The following GLIS3 variants were observed in gnomAD, a reference collection of about 807,000 sequenced individuals.
GLIS3 encodes zinc finger protein GLIS3.
A neutral mutation model predicts 78.6 loss-of-function variants in GLIS3; 53 were observed. That is an observed-to-expected ratio of 0.67 (90% CI 0.54 to 0.85). The LOEUF (loss-of-function observed/expected upper bound fraction) is 0.85. Among genes scored for constraint, GLIS3 ranks in the 40% least tolerant of loss-of-function variants. The pLI is 0.00. For missense variants in GLIS3, 1,703 were observed against 1,231.1 expected (o/e 1.38, Z -5.74); for synonymous variants, 684 against 509.9 (o/e 1.34, Z -4.60).
At chr9:3,860,001 C>A (rs118047658) in intron 8 of GLIS3, among the ~76,000 whole-genome samples, 3,494 of 151,452 alleles carry the variant, frequency 0.023, 102 homozygotes, top group South Asian at 0.032. Context: ...GGGGGCCAAG[C>A]GTGGTGGCTC....
intron 4 of GLIS3, among the ~76,000 whole-genome samples, chr9:3,941,247 C>T (rs892518068): frequency 6.6e-6 from 1 of 152,164 alleles, no homozygotes; most frequent in Admixed American, 6.5e-5. Context: ...GGACTAGCAA[C>T]CATCCTAGGA....
At position 4,118,837 on chromosome 9, in the gene GLIS3, A is replaced by G; in HGVS notation, c.641T>C (p.Leu214Pro). Residue 214 changes from leucine (L) to proline (P), a missense_variant, in exon 4 of 11, where the codon CTG (leucine) becomes CCG (proline). Physicochemically the swap from Leu to Pro is moderately conservative, Grantham distance 98 (BLOSUM62 -3). Coordinates refer to ENST00000381971, the MANE Select transcript of GLIS3 (RefSeq NM_001042413.2). This position sits in a 1 kb window ranked among gnomAD's most constrained non-coding sequence, Gnocchi z 4.7. ...RESLASTTLS[L>P]TESQSASSMK... ...GCTTGAGGCCGACTGACTTTCCGTC[A>G]GACTCAAGGTCGTGGACGCCAAAGA... is the stretch of plus-strand genomic sequence containing the variant. 1 of 1,605,654 alleles carries G rather than the reference A, an allele frequency of 6.2e-7. No individual in the cohort carries two copies. The highest frequency in any genetic ancestry group is 8.5e-7 in the Non-Finnish European group (1 of 1,179,980).
intron 2 of GLIS3, among the ~76,000 whole-genome samples, chr9:4,190,348 G>A (rs143149311): frequency 0.27 from 40,909 of 151,726 alleles, 6,632 homozygotes; most frequent in South Asian, 0.48. Context: ...GGAGCTGATG[G>A]AGCTGAAAGT....
chr9:4,362,807 G>C, the GLIS3 span, among the ~76,000 whole-genome samples: 45 of 152,124 alleles, frequency 3.0e-4, no homozygotes, highest in Non-Finnish European at 1.8e-4. Context: ...TAGAGAGCTT[G>C]CCAGAGAACC....
At chr9:4,485,719 CT>C in the GLIS3 span, among the ~76,000 whole-genome samples, 123 of 143,174 alleles carry the variant, frequency 8.6e-4, no homozygotes, top group East Asian at 1.2e-3. Context: ...CCTGCCTCTG[CT>C]TTTTTTTTTT....
At chr9:4,379,410 A>G in the GLIS3 span, among the ~76,000 whole-genome samples, 2 of 152,372 alleles carry the variant, frequency 1.3e-5, no homozygotes, top group Non-Finnish European at 2.9e-5. Flanking sequence ...AGATAACAAC[A>G]TATTGCAAAG....
Position 4,074,629 on chromosome 9 carries a change from C to G in GLIS3, c.1710+43139G>C, listed in dbSNP as rs143785385. On this transcript the variant is annotated intron_variant, in intron 4 of 10. Transcript: ENST00000381971. ...TACTGTATCATAGGAGATGTGCTTTCCCTATTCCATTGATTTGGAAACTCC... is the reference window on the plus strand; with the variant it reads ...TACTGTATCATAGGAGATGTGCTTTGCCTATTCCATTGATTTGGAAACTCC... 1.6e-4 allele frequency among the ~76,000 whole-genome samples: 25 copies of G among 152,258 alleles called. No homozygotes were observed. The East Asian group carries it at 4.4e-3, about 27-fold the overall frequency.
intron 4 of GLIS3, among the ~76,000 whole-genome samples, chr9:3,967,221 C>A (rs978342666): frequency 2.1e-4 from 32 of 151,958 alleles, no homozygotes; most frequent in African/African-American, 7.2e-4. Context: ...ATTCTCTATC[C>A]TGCTGGGCGT....
chr9:3,907,483 C>T (rs1442912143), intron 6 of GLIS3, among the ~76,000 whole-genome samples: 1 of 152,030 alleles, frequency 6.6e-6, no homozygotes, highest in African/African-American at 2.4e-5. Context: ...ACTACTGATG[C>T]CCCACCCAGC....
chr9:4,467,573 A>G, the GLIS3 span, among the ~76,000 whole-genome samples: 4 of 152,226 alleles, frequency 2.6e-5, no homozygotes, highest in Non-Finnish European at 4.4e-5. Context: ...GAGGGACCTG[A>G]CTGTTAGAAG....
chr9:4,317,008 A>C (rs1817446950), intron 2 of GLIS3, among the ~76,000 whole-genome samples: 1 of 152,202 alleles, frequency 6.6e-6, no homozygotes, highest in Non-Finnish European at 1.5e-5. Context: ...GACAATGTTA[A>C]GTGAAGACTT....
intron 2 of GLIS3, among the ~76,000 whole-genome samples, chr9:4,201,176 A>C (rs1445488961): frequency 6.6e-6 from 1 of 152,208 alleles, no homozygotes; most frequent in Non-Finnish European, 1.5e-5. Context: ...GCATCAAAGG[A>C]ACATACCTCA....
chr9:4,472,973 C>T, the GLIS3 span, among the ~76,000 whole-genome samples: 1 of 152,060 alleles, frequency 6.6e-6, no homozygotes. Context: ...GGGTATATAT[C>T]CAGTAATGGG....
chr9:4,421,906 A>G, the GLIS3 span, among the ~76,000 whole-genome samples: 1 of 152,186 alleles, frequency 6.6e-6, no homozygotes, highest in Non-Finnish European at 1.5e-5. Context: ...ATTAAACATG[A>G]GTAGGAAAAC....
the GLIS3 span, among the ~76,000 whole-genome samples, chr9:4,459,787 C>A: frequency 6.6e-6 from 1 of 151,610 alleles, no homozygotes; most frequent in Admixed American, 6.6e-5. Context: ...CTAGACTGGG[C>A]AACAGAGCAA....
chr9:4,117,654 G>A (rs1008607081), intron 4 of GLIS3, 114 bp downstream of exon 4: 5 of 1,169,772 alleles, frequency 4.3e-6, no homozygotes, highest in Non-Finnish European at 6.4e-6. Context: ...CCATCTCATG[G>A]ATACCTAGAC....
intron 2 of GLIS3, among the ~76,000 whole-genome samples, chr9:4,259,500 T>C (rs887840295): frequency 2.0e-5 from 3 of 152,084 alleles, no homozygotes; most frequent in Non-Finnish European, 4.4e-5. Flanking sequence ...TTAAGTTGAC[T>C]ATATTCTTAT....
At chr9:4,086,020 G>A (rs1828993391) in intron 4 of GLIS3, among the ~76,000 whole-genome samples, 1 of 152,188 alleles carries the variant, frequency 6.6e-6, no homozygotes, top group Non-Finnish European at 1.5e-5. Flanking sequence ...ATGTTAAAGT[G>A]CCTACCATGT....
chr9:4,042,131 T>G (rs1244856565), intron 4 of GLIS3, among the ~76,000 whole-genome samples: 1 of 151,722 alleles, frequency 6.6e-6, no homozygotes. Flanking sequence ...GGGTTTTTGT[T>G]TTTTTTTTCT....
Sources: allele counts gnomAD v4.1 joint callset (sites outside exome capture counted in the v4.1 genomes callset), GRCh38; gene constraint gnomAD v4.1.1; non-coding constraint Gnocchi (gnomAD v3.1); transcripts MANE v1.5; gene names NCBI Gene and HGNC (gene_info 2026-07-23, HGNC 2026-07-21).